Variants in EFCAB14 observed in about 807,000 individuals in gnomAD.
EFCAB14 encodes EF-hand calcium binding domain 14.
Under a neutral mutation model 56.5 loss-of-function variants are expected in EFCAB14, and 43 were observed. The ratio of observed to expected loss-of-function variants is 0.76; its 90% confidence interval spans 0.60 to 0.98. The LOEUF (loss-of-function observed/expected upper bound fraction) is 0.98, where lower values mean the gene tolerates loss of function less well. Among genes scored for constraint, EFCAB14 ranks in the 50% least tolerant of loss-of-function variants. EFCAB14 has a pLI of 0.00. For synonymous variants in EFCAB14, 235 were observed against 212.9 expected (o/e 1.10, Z -0.90); for missense variants, 538 against 580.3 (o/e 0.93, Z 0.75).
intron 3 of EFCAB14, among the ~76,000 whole-genome samples, chr1:46,702,789 T>TA (rs1305177479): frequency 6.6e-6 from 1 of 152,054 alleles, no homozygotes; most frequent in Non-Finnish European, 1.5e-5. Context: ...AAGCATCACA[T>TA]AAGGTATTTG....
At position 46,691,852 on chromosome 1, in the gene EFCAB14, G is replaced by A. The variant is rs376186224; in HGVS notation, c.665C>T (p.Thr222Met). 1.2e-5 allele frequency: 19 copies of A among 1,613,122 alleles called. No individual in the cohort carries two copies. The highest frequency in any genetic ancestry group is 2.7e-5 in the African/African-American group (2 of 74,828). Reference protein sequence around the residue: ...LQKTVDEHKKTMELLQSDMNQ... With the variant: ...LQKTVDEHKKMMELLQSDMNQ... ...CATATCACTCTGCAGTAATTCCATC[G>A]TTTTCTTGTGTTCATCCACAGTTTT... The change falls in exon 5 of 11, where the codon ACG (threonine) becomes ATG (methionine). Residue 222 changes from threonine to methionine, a missense_variant. By Grantham distance (81) the Thr-to-Met change is moderately conservative. Coordinates refer to ENST00000371933, the MANE Select transcript of EFCAB14 (RefSeq NM_014774.3).
intron 5 of EFCAB14, among the ~76,000 whole-genome samples, chr1:46,691,387 C>T (rs982405509): frequency 2.6e-5 from 4 of 152,202 alleles, no homozygotes; most frequent in African/African-American, 9.7e-5. Context: ...GACAGCCTGC[C>T]TTTCATCCAC....
chr1:46,706,547 A>G lies in EFCAB14; in HGVS notation c.480+1359T>C, dbSNP rs558089373. On this transcript the variant is annotated intron_variant, in intron 3 of 10. Coordinates refer to ENST00000371933, the MANE Select transcript of EFCAB14 (RefSeq NM_014774.3). ...TCCTCCTCTCAGAATGGTAAACTGC[A>G]TGGCTGGCTACCTATATGGAATCCC... is the stretch of plus-strand genomic sequence containing the variant. 3.5e-4 allele frequency among the ~76,000 whole-genome samples: 53 copies of G among 152,310 alleles called. 1 individual carries two copies. Among genetic ancestry groups the G allele is most frequent in the African/African-American group, 1.2e-3 (51 of 41,566 alleles).
At chr1:46,715,091 T>C (rs1429832098) in intron 2 of EFCAB14, among the ~76,000 whole-genome samples, 1 of 152,224 alleles carries the variant, frequency 6.6e-6, no homozygotes, top group East Asian at 1.9e-4. Flanking sequence ...ATCGTGTTAC[T>C]AGTATAAGCA....
At chr1:46,684,736 T>C (rs1676852026) in intron 8 of EFCAB14, 134 bp from the exon 9 acceptor site, 1 of 661,932 alleles carries the variant, frequency 1.5e-6, no homozygotes, top group South Asian at 1.8e-5. Context: ...AATAAAAGAA[T>C]GAATCAACAT....
At chr1:46,689,774 T>A in intron 5 of EFCAB14, 83 bp from the exon 6 acceptor site, 1 of 1,218,598 alleles carries the variant, frequency 8.2e-7, no homozygotes, top group Non-Finnish European at 1.2e-6. Flanking sequence ...TAGAACATTC[T>A]AGCCTCCCCC....
intron 4 of EFCAB14, among the ~76,000 whole-genome samples, chr1:46,695,689 CT>C (rs1166470256): frequency 5.9e-5 from 9 of 152,150 alleles, no homozygotes; most frequent in African/African-American, 2.2e-4. Flanking sequence ...CTTCCTACCC[CT>C]ATCCACTCTT....
At chr1:46,691,532 C>T (rs1037689172) in intron 5 of EFCAB14, among the ~76,000 whole-genome samples, 4 of 152,224 alleles carry the variant, frequency 2.6e-5, no homozygotes, top group Non-Finnish European at 4.4e-5. Context: ...AACAATGAGA[C>T]ACTTTTCCAC....
In EFCAB14 at chr1:46,677,425, C is replaced by G. The variant is rs115390291; in HGVS notation, c.*1036G>C. 226 of 152,198 alleles carry G rather than the reference C, an allele frequency of 1.5e-3. No individual in the cohort carries two copies. The highest frequency in any genetic ancestry group is 5.3e-3 in the African/African-American group (220 of 41,506). The allele number at this position is 152,198 out of a possible 1,614,324, so 9.4% of individuals were successfully genotyped here. On this transcript the variant is annotated 3_prime_UTR_variant, in exon 11 of 11. Coordinates refer to ENST00000371933, the MANE Select transcript of EFCAB14 (RefSeq NM_014774.3). ...CTCTTGGTTAGCCTCTAGGTAAAATCTCAAGGGGTATGGTTTTCTGGGTCA... is the reference window on the plus strand; with the variant it reads ...CTCTTGGTTAGCCTCTAGGTAAAATGTCAAGGGGTATGGTTTTCTGGGTCA...
At chr1:46,680,589 G>A (rs146086309) in intron 10 of EFCAB14, among the ~76,000 whole-genome samples, 2 of 152,350 alleles carry the variant, frequency 1.3e-5, no homozygotes, top group East Asian at 1.9e-4. Flanking sequence ...GGGACTGGGA[G>A]TGACTGTTTA....
intron 2 of EFCAB14, among the ~76,000 whole-genome samples, chr1:46,714,983 G>T (rs1677365146): frequency 6.6e-6 from 1 of 152,142 alleles, no homozygotes; most frequent in African/African-American, 2.4e-5. Flanking sequence ...TATGGTTGTT[G>T]TAAGCCCTTC....
chr1:46,709,565 G>C lies in EFCAB14; in HGVS notation c.335-1514C>G, dbSNP rs930195552. Among the ~76,000 whole-genome samples, 5 of 152,280 alleles carry C rather than the reference G, an allele frequency of 3.3e-5. No individual in the cohort carries two copies. The South Asian group carries it at 1.0e-3, about 32-fold the overall frequency. ...AGGACAAAGACTAGATCTAACTTGG[G>C]TATGCATTTCCAGCAGCCAGCACAG... is the stretch of plus-strand genomic sequence containing the variant. On this transcript the variant is annotated intron_variant, in intron 2 of 10. Transcript: ENST00000371933.
intron 1 of EFCAB14, among the ~76,000 whole-genome samples, chr1:46,717,567 C>CACTGTTTTA (rs1677417003): frequency 1.3e-5 from 2 of 152,344 alleles, no homozygotes; most frequent in South Asian, 4.1e-4. Context: ...CTTTGTTCTA[C>CACTGTTTTA]ACTGTTTTAA....
intron 3 of EFCAB14, among the ~76,000 whole-genome samples, chr1:46,698,129 A>T (rs1272529958): frequency 2.0e-5 from 3 of 152,192 alleles, no homozygotes; most frequent in African/African-American, 7.2e-5. Context: ...CTGGGATTAC[A>T]GGCATGAGCC....
At chr1:46,705,193 A>G (rs1677216807) in intron 3 of EFCAB14, among the ~76,000 whole-genome samples, 1 of 152,216 alleles carries the variant, frequency 6.6e-6, no homozygotes, top group South Asian at 2.1e-4. Flanking sequence ...CTCCCTTAGG[A>G]AACAACACAA....
intron 2 of EFCAB14, among the ~76,000 whole-genome samples, chr1:46,713,972 T>C (rs1677348770): frequency 1.3e-5 from 2 of 152,186 alleles, no homozygotes; most frequent in South Asian, 2.1e-4. Flanking sequence ...TCTTATATCA[T>C]ACTCTAAAAA....
At chr1:46,711,014 T>C (rs972389892) in intron 2 of EFCAB14, among the ~76,000 whole-genome samples, 1 of 152,238 alleles carries the variant, frequency 6.6e-6, no homozygotes, top group African/African-American at 2.4e-5. Flanking sequence ...ACTGTGTATA[T>C]ATACTACATT....
At chr1:46,679,667 G>C (rs1324731011) in intron 10 of EFCAB14, among the ~76,000 whole-genome samples, 1 of 137,548 alleles carries the variant, frequency 7.3e-6, no homozygotes, top group Non-Finnish European at 1.5e-5. Flanking sequence ...CTGGAGTGCA[G>C]TGGTATGATC....
At position 46,683,330 on chromosome 1, in the gene EFCAB14, T is replaced by C. The variant is rs201764440; in HGVS notation, c.1282A>G (p.Ile428Val). 2.9e-5 allele frequency: 46 copies of C among 1,613,936 alleles called. No individual in the cohort carries two copies. The highest frequency in any genetic ancestry group is 3.3e-4 in the Middle Eastern group (2 of 6,082). The change falls in exon 10 of 11, where the codon ATC becomes GTC. Residue 428 changes from isoleucine (I) to valine (V), a missense_variant. Physicochemically the swap from Ile to Val is conservative, Grantham distance 29 (BLOSUM62 3). Coordinates refer to ENST00000371933, the MANE Select transcript of EFCAB14 (RefSeq NM_014774.3). The part of the protein sequence containing the change: ...PVEKAAQLRP[I>V]SLPGVSSTED... ...GTGCTAGAAACTCCTGGTAGGGAGATAGGTCTTAGTTGGGCAGCTTTCTCA... is the reference window on the plus strand; with the variant it reads ...GTGCTAGAAACTCCTGGTAGGGAGACAGGTCTTAGTTGGGCAGCTTTCTCA...
Sources: allele counts gnomAD v4.1 joint callset (sites outside exome capture counted in the v4.1 genomes callset), GRCh38; gene constraint gnomAD v4.1.1; transcripts MANE v1.5; gene names NCBI Gene and HGNC (gene_info 2026-07-23, HGNC 2026-07-21).